Variants in BLTP1 observed in about 807,000 individuals in gnomAD.
BLTP1 encodes fragile site-associated protein.
At chr4:122,195,742 A>G in the BLTP1 span, 2 of 568,880 alleles carry the variant, frequency 3.5e-6, no homozygotes, top group African/African-American at 4.0e-5. Context: ...TGTGTCTTAA[A>G]ACATTTGCAG....
At chr4:122,219,637 TCAG>T in the BLTP1 span, 307 of 1,071,422 alleles carry the variant, frequency 2.9e-4, 1 homozygote, top group African/African-American at 4.5e-3. Context: ...TGTGAAGCAT[TCAG>T]CACACACTTA....
At chr4:122,258,421 A>C in the BLTP1 span, among the ~76,000 whole-genome samples, 7 of 152,326 alleles carry the variant, frequency 4.6e-5, no homozygotes, top group East Asian at 1.9e-4. Flanking sequence ...ATTATCTGCA[A>C]ATCCCTCTGT....
chr4:122,244,173 C>A, the BLTP1 span: 1 of 869,262 alleles, frequency 1.2e-6, no homozygotes, highest in Non-Finnish European at 1.6e-6. Flanking sequence ...TTATTGATAG[C>A]TATTTTGATT....
chr4:122,272,095 T>C, the BLTP1 span: 2 of 1,548,982 alleles, frequency 1.3e-6, no homozygotes, highest in South Asian at 2.5e-5. Flanking sequence ...AAGACAATGT[T>C]TGGAATGTCC....
chr4:122,207,763 A>C, the BLTP1 span: 1 of 1,043,380 alleles, frequency 9.6e-7, no homozygotes, highest in South Asian at 2.2e-5. Flanking sequence ...CTTTCCTCCA[A>C]TGTCTACTAC....
the BLTP1 span, chr4:122,271,026 A>G: frequency 7.5e-6 from 12 of 1,597,296 alleles, no homozygotes; most frequent in Non-Finnish European, 1.0e-5. Flanking sequence ...AGGCAAGGCC[A>G]TGTGAATCTT....
the BLTP1 span, chr4:122,263,393 G>T: frequency 5.5e-6 from 8 of 1,465,632 alleles, no homozygotes; most frequent in African/African-American, 1.4e-5. Context: ...ACATTTTTTT[G>T]CTCCTTAGTA....
At chr4:122,325,948 T>G in the BLTP1 span, 2 of 660,446 alleles carry the variant, frequency 3.0e-6, no homozygotes. Context: ...AAATTTTGCT[T>G]TAAAACTAAT....
the BLTP1 span, among the ~76,000 whole-genome samples, chr4:122,294,082 C>A: frequency 6.6e-6 from 1 of 152,188 alleles, no homozygotes; most frequent in Non-Finnish European, 1.5e-5. Flanking sequence ...GCAACTCCAA[C>A]CAGAGTTATA....
At chr4:122,197,186 C>T in the BLTP1 span, 1 of 1,081,548 alleles carries the variant, frequency 9.2e-7, no homozygotes, top group Non-Finnish European at 1.3e-6. Context: ...TAATTTTTTT[C>T]TTTTGGTAGG....
At chr4:122,320,325 A>AT in the BLTP1 span, among the ~76,000 whole-genome samples, 1 of 151,928 alleles carries the variant, frequency 6.6e-6, no homozygotes, top group Non-Finnish European at 1.5e-5. Flanking sequence ...ATTTTAAAAC[A>AT]TTTTTTGTGG....
At chr4:122,338,238 T>TGGTAGATCACTTGAGCCC in the BLTP1 span, among the ~76,000 whole-genome samples, 2 of 151,696 alleles carry the variant, frequency 1.3e-5, no homozygotes, top group East Asian at 1.9e-4. Context: ...CACTTGAGCC[T>TGGTAGATCACTTGAGCCC]GGTAGATCAC....
the BLTP1 span, chr4:122,202,481 A>G: frequency 5.7e-6 from 3 of 523,004 alleles, no homozygotes; most frequent in South Asian, 8.5e-5. Context: ...CCAGGGTCAC[A>G]CTTGGTTGAG....
chr4:122,188,084 G>C, the BLTP1 span: 7 of 1,478,140 alleles, frequency 4.7e-6, no homozygotes, highest in Non-Finnish European at 6.3e-6. Flanking sequence ...TCTTCAAAAT[G>C]ATGAGTAAGA....
At chr4:122,334,483 C>T in the BLTP1 span, 7 of 1,612,696 alleles carry the variant, frequency 4.3e-6, no homozygotes, top group Non-Finnish European at 5.1e-6. Context: ...CCTCCTTTAC[C>T]TTCCACTGTC....
At chr4:122,266,924 A>G in the BLTP1 span, 1 of 1,602,100 alleles carries the variant, frequency 6.2e-7, no homozygotes, top group Non-Finnish European at 8.5e-7. Context: ...GGATTCAGAC[A>G]CAGCCAAAGA....
chr4:122,180,025 TACACACACACACACACACATACACACAC>T, the BLTP1 span: 73 of 908,100 alleles, frequency 8.0e-5, no homozygotes, highest in South Asian at 1.0e-4. Context: ...CACGTGCATG[TACACACACACACACACACATACACACAC>T]ACACACACAC....
chr4:122,307,458 C>T, the BLTP1 span: 5 of 985,012 alleles, frequency 5.1e-6, no homozygotes, highest in African/African-American at 7.0e-5. Context: ...TCCATCTATA[C>T]ACTGCTGTGA....
At chr4:122,170,797 G>A in the BLTP1 span, 1 of 1,267,442 alleles carries the variant, frequency 7.9e-7, no homozygotes. Flanking sequence ...TGGATTAACA[G>A]CTGCCAGATT....
Sources: allele counts gnomAD v4.1 joint callset (sites outside exome capture counted in the v4.1 genomes callset), GRCh38; gene constraint gnomAD v4.1.1; transcripts MANE v1.5; gene names NCBI Gene and HGNC (gene_info 2026-07-23, HGNC 2026-07-21).